PXDN: variants seen among roughly 807,000 people sequenced by gnomAD.
PXDN encodes the protein peroxidasin, also known as peroxidasin homolog.
In PXDN, 77 loss-of-function variants were observed where a neutral mutation model predicts 140.3. That is an observed-to-expected ratio of 0.55 (90% confidence interval 0.46 to 0.66). PXDN has a LOEUF of 0.66. PXDN is among the 30% of genes least tolerant of loss of function. PXDN has a pLI of 0.00. For missense variants in PXDN, 1,838 were observed against 2,039.5 expected (o/e 0.90, Z 1.90); for synonymous variants, 911 against 857.4 (o/e 1.06, Z -1.09).
chr2:1,675,799 GAGTA>G (rs1683690871), intron 8 of PXDN, among the ~76,000 whole-genome samples: 1 of 100,244 alleles, frequency 1.0e-5, no homozygotes, highest in African/African-American at 7.0e-5. Flanking sequence ...GTTTGAGCCC[GAGTA>G]TCAAACAATG....
chr2:1,713,401 C>T (rs1371932323), intron 1 of PXDN, among the ~76,000 whole-genome samples: 1 of 152,182 alleles, frequency 6.6e-6, no homozygotes. Context: ...ACAGGAGGCA[C>T]CCAGGAAATC....
intron 19 of PXDN, among the ~76,000 whole-genome samples, chr2:1,641,986 T>TAAAACA (rs1443645041): frequency 6.6e-6 from 1 of 151,944 alleles, no homozygotes; most frequent in Admixed American, 6.6e-5. Context: ...AGTGAGGATA[T>TAAAACA]AAAACAAAAA....
At chr2:1,694,617 C>T (rs1282134051) in intron 1 of PXDN, among the ~76,000 whole-genome samples, 1 of 152,242 alleles carries the variant, frequency 6.6e-6, no homozygotes, top group Non-Finnish European at 1.5e-5. Context: ...TCCTCACACG[C>T]ACCCTCCCCC....
chr2:1,639,194 C>A lies in PXDN; in HGVS notation c.4073+108G>T, dbSNP rs1682652861. 1 of 1,516,630 alleles carries A rather than the reference C, an allele frequency of 6.6e-7. No individual in the cohort carries two copies. Among genetic ancestry groups the A allele is most frequent in the African/African-American group, 1.4e-5 (1 of 72,536 alleles). The allele number at this position is 1,516,630 out of a possible 1,614,324, so 93.9% of individuals were successfully genotyped here. On this transcript the variant is annotated intron_variant, in intron 20 of 22. Coordinates refer to ENST00000252804, the MANE Select transcript of PXDN (RefSeq NM_012293.3). This position sits in a 1 kb window ranked among gnomAD's most constrained non-coding sequence, Gnocchi z 5.0. ...CCCCAGTGCCCTGGGACGTCCCTGC[C>A]AGGAACCATCCTCGCCACAGGCCCA...
Position 1,639,346 on chromosome 2 carries a change from C to T in PXDN, c.4029G>A (p.Gln1343=), listed in dbSNP as rs1432108226. The change falls in exon 20 of 23, where the codon CAG becomes CAA. Residue 1343 remains glutamine, a synonymous_variant. Coordinates refer to ENST00000252804, the MANE Select transcript of PXDN (RefSeq NM_012293.3). This position sits in a 1 kb window ranked among gnomAD's most constrained non-coding sequence, Gnocchi z 5.0. ...RGRRSLEFSY[Q]EDKPTKKTRP... is the part of the protein sequence containing the mutation. ...TTGTTTTCTTGGTCGGCTTGTCCTC[C>T]TGGTAGCTGAACTCAAGAGACCGTC... 2.5e-6 allele frequency: 4 copies of T among 1,614,008 alleles called. No homozygotes were observed. The highest frequency in any genetic ancestry group is 2.2e-5 in the East Asian group (1 of 44,890).
intron 6 of PXDN, among the ~76,000 whole-genome samples, chr2:1,681,991 G>A (rs1330136249): frequency 6.6e-6 from 1 of 152,240 alleles, no homozygotes; most frequent in African/African-American, 2.4e-5. Flanking sequence ...TGAGGTTAGA[G>A]ACTGCTCCGA....
intron 13 of PXDN, 75 bp from the exon 14 acceptor site, chr2:1,661,112 G>T: frequency 6.5e-7 from 1 of 1,547,450 alleles, no homozygotes. Context: ...AGGGTTGGGG[G>T]AGGGGAGCCA....
At position 1,639,073 on chromosome 2, in the gene PXDN, TGC is replaced by T; in HGVS notation, c.4074-97_4074-96del. On this transcript the variant is annotated intron_variant, in intron 20 of 22. Transcript: ENST00000252804. The surrounding 1 kb of genome is among the most constrained non-coding windows in gnomAD (Gnocchi z 5.0). ...TTTCCTGGGTGTGCACCGCCCCTGA[TGC>T]TCTGAGCTGGGTCTCATTTCAAGGT... 3 of 138,782 alleles carry T rather than the reference TGC, an allele frequency of 2.2e-5. No homozygotes were observed. Among genetic ancestry groups the T allele is most frequent in the Non-Finnish European group, 2.7e-5 (3 of 111,618 alleles). The allele number at this position is 138,782 out of a possible 1,614,324, so 8.6% of individuals were successfully genotyped here. A position where few individuals can be genotyped will look rare whatever the true frequency, so the allele number is the denominator to read the frequency against.
At position 1,653,549 on chromosome 2, in the gene PXDN, T is replaced by C. The variant is rs758214921; in HGVS notation, c.2104+79A>G. The C allele has an allele frequency of 1.4e-5, 21 of 1,537,266 alleles. No homozygotes were observed. The South Asian group carries it at 2.5e-4, about 18-fold the overall frequency. ...GAAAGAAAATGCTGGAACTCTTCCC[T>C]AGGAATGTGACTTAACTGAGGCGTG... On this transcript the variant is annotated intron_variant, in intron 16 of 22. Coordinates refer to ENST00000252804, the MANE Select transcript of PXDN (RefSeq NM_012293.3).
chr2:1,638,947 T>A lies in PXDN; in HGVS notation c.4105A>T (p.Ser1369Cys), dbSNP rs1682643444. ...VGRQGEHLSN[S>C]TSAFSTRSDA... ...GAGCGTGTGCTGAAGGCTGAGGTGCTGTTGCTGAGATGTTCCCCCTGTCTC... is the reference window on the plus strand; with the variant it reads ...GAGCGTGTGCTGAAGGCTGAGGTGCAGTTGCTGAGATGTTCCCCCTGTCTC... Residue 1369 changes from serine to cysteine, a missense_variant, in exon 21 of 23, where the codon AGC becomes TGC. Physicochemically the swap from Ser to Cys is moderately radical, Grantham distance 112 (BLOSUM62 -1). This residue lies in a region of PXDN where 850 missense variants were observed against 894.1 expected (regional missense o/e 0.95). Transcript: ENST00000252804. 5.0e-6 allele frequency: 8 copies of A among 1,613,984 alleles called. No homozygotes were observed. The highest frequency in any genetic ancestry group is 6.8e-6 in the Non-Finnish European group (8 of 1,179,858).
At chr2:1,680,626 T>C (rs750954587) in intron 6 of PXDN, among the ~76,000 whole-genome samples, 5 of 152,052 alleles carry the variant, frequency 3.3e-5, no homozygotes, top group East Asian at 1.9e-4. Context: ...GTGAGTAGCA[T>C]AGGGCTTGTG....
intron 7 of PXDN, among the ~76,000 whole-genome samples, chr2:1,678,274 T>C (rs1418807468): frequency 6.6e-6 from 1 of 152,138 alleles, no homozygotes; most frequent in Admixed American, 6.5e-5. Flanking sequence ...AAGCTCCTTC[T>C]AGAATATAAA....
Position 1,649,699 on chromosome 2 carries a change from C to A in PXDN, c.2105-24G>T. 6.2e-7 allele frequency: 1 copy of A among 1,612,072 alleles called. No homozygotes were observed. The highest frequency in any genetic ancestry group is 2.2e-5 in the East Asian group (1 of 44,860). On this transcript the variant is annotated intron_variant, in intron 16 of 22. Coordinates refer to ENST00000252804, the MANE Select transcript of PXDN (RefSeq NM_012293.3). The surrounding 1 kb of genome is among the most constrained non-coding windows in gnomAD (Gnocchi z 7.1). Reference sequence around the variant, plus strand: ...ACCTGGGACGTGGAGAAAAGCAAGACGCACTCAATTCCCCTGGAGGATGTG... The same window carrying A: ...ACCTGGGACGTGGAGAAAAGCAAGAAGCACTCAATTCCCCTGGAGGATGTG...
intron 1 of PXDN, 103 bp downstream of exon 1, chr2:1,744,153 G>T: frequency 3.7e-5 from 39 of 1,043,694 alleles, no homozygotes; most frequent in Middle Eastern, 3.5e-4. Context: ...CGCGCCCGAT[G>T]CCCCCTCCAC....
Position 1,660,939 on chromosome 2 carries a change from C to A in PXDN, c.1779G>T (p.Glu593Asp), listed in dbSNP as rs764703959. The change falls in exon 14 of 23, where the codon GAG becomes GAT. Residue 593 changes from glutamate to aspartate, a missense_variant. Coordinates refer to ENST00000252804, the MANE Select transcript of PXDN (RefSeq NM_012293.3). This position sits in a 1 kb window ranked among gnomAD's most constrained non-coding sequence, Gnocchi z 4.6. ...ACCCAATGGTGTTCCGGGCCACACACTCATAGCGACCTGCGTCTGCAGGGC... is the reference window on the plus strand; with the variant it reads ...ACCCAATGGTGTTCCGGGCCACACAATCATAGCGACCTGCGTCTGCAGGGC... ...DVGPADAGRY[E>D]CVARNTIGSA... The A allele has an allele frequency of 1.1e-5, 17 of 1,613,886 alleles. No individual in the cohort carries two copies. The highest frequency in any genetic ancestry group is 6.7e-5 in the East Asian group (3 of 44,890).
intron 14 of PXDN, among the ~76,000 whole-genome samples, chr2:1,655,501 C>T (rs745824456): frequency 9.2e-5 from 14 of 151,758 alleles, no homozygotes; most frequent in Non-Finnish European, 1.5e-4. Context: ...GCACCACACA[C>T]TGCACATTAT....
chr2:1,648,181 T>C lies in PXDN; in HGVS notation c.3599A>G (p.Lys1200Arg). Reference protein sequence around the residue: ...NEIKNPEIREKLKRLYGSTLN... With the variant: ...NEIKNPEIRERLKRLYGSTLN... ...AGCCTCTTCAGCTCACCTTTTCAGT[T>C]TCTCCCGGATCTCAGGGTTTTTAAT... The change falls in exon 17 of 23, where the codon AAA becomes AGA. Residue 1200 changes from lysine to arginine, a missense_variant. Transcript: ENST00000252804. This position sits in a 1 kb window ranked among gnomAD's most constrained non-coding sequence, Gnocchi z 8.9. 1 of 1,611,208 alleles carries C rather than the reference T, an allele frequency of 6.2e-7. No homozygotes were observed. Among genetic ancestry groups the C allele is most frequent in the East Asian group, 2.2e-5 (1 of 44,808 alleles).
rs140332805 is a variant in PXDN, at chr2:1,689,610, C to T, written c.345-1907G>A. Among the ~76,000 whole-genome samples the T allele has an allele frequency of 3.2e-3, 490 of 152,164 alleles. 10 individuals carry two copies. The highest frequency in any genetic ancestry group is 0.019 in the East Asian group (100 of 5,172). ...TCAGCCTGACCAAAATGGTGAAACT[C>T]CGTCTCTATTAAAAATACAAAAAAT... On this transcript the variant is annotated intron_variant, in intron 3 of 22. Transcript: ENST00000252804.
Position 1,673,932 on chromosome 2 carries a change from C to T in PXDN, c.849-120G>A, listed in dbSNP as rs1683637850. 5 of 1,070,920 alleles carry T rather than the reference C, an allele frequency of 4.7e-6. No individual in the cohort carries two copies. The African/African-American group carries it at 4.7e-5, about 10-fold the overall frequency. 66.3% of individuals were successfully genotyped at this position (1,070,920 alleles called of 1,614,324 possible). A position where few individuals can be genotyped will look rare whatever the true frequency, so the allele number is the denominator to read the frequency against. ...CACAACTTGTGCGAGGAACAGCTCA[C>T]CTTCCAGGGTCTCCTCCTTCCTGGC... On this transcript the variant is annotated intron_variant, in intron 8 of 22. Transcript: ENST00000252804.
Sources: allele counts gnomAD v4.1 joint callset (sites outside exome capture counted in the v4.1 genomes callset), GRCh38; gene constraint gnomAD v4.1.1; regional missense constraint gnomAD v4.1.1; non-coding constraint Gnocchi (gnomAD v3.1); transcripts MANE v1.5; gene names NCBI Gene and HGNC (gene_info 2026-07-23, HGNC 2026-07-21).